SNX7: variants seen among roughly 807,000 people sequenced by gnomAD.
The protein encoded by SNX7 is sorting nexin-7.
A neutral mutation model predicts 48.4 loss-of-function variants in SNX7; 35 were observed. The observed-to-expected ratio is 0.72, with a 90% confidence interval of 0.55 to 0.96. The LOEUF is 0.96. Among genes scored for constraint, SNX7 ranks in the 40% least tolerant of loss-of-function variants. The probability of loss-of-function intolerance (pLI) is 0.00; values close to 1 mark genes in which losing one functional copy is unlikely to be tolerated. For missense variants in SNX7, 553 were observed against 548.9 expected (o/e 1.01, Z -0.07); for synonymous variants, 190 against 190.2 (o/e 1.00, Z 0.01).
At position 98,738,572 on chromosome 1, in the gene SNX7, G is replaced by A. The variant is rs561294426; in HGVS notation, c.1278+183G>A. On this transcript the variant is annotated intron_variant, in intron 8 of 8. Coordinates refer to ENST00000306121, the MANE Select transcript of SNX7 (RefSeq NM_015976.5). ...TTGTTTATCCTCAGTTTGTTGTTTT[G>A]GATTTGGATTCTTCAAAAGCATTTG... is the stretch of plus-strand genomic sequence containing the variant. Among the ~76,000 whole-genome samples, 5 of 152,040 alleles carry A rather than the reference G, an allele frequency of 3.3e-5. No homozygotes were observed. In the East Asian group the frequency reaches 9.6e-4, roughly 29 times the overall value.
At chr1:98,710,706 C>T (rs961699506) in intron 7 of SNX7, among the ~76,000 whole-genome samples, 19 of 152,162 alleles carry the variant, frequency 1.2e-4, no homozygotes, top group African/African-American at 4.3e-4. Context: ...TTCTGTCTTA[C>T]GTATCTCTTT....
rs1652617849 is a variant in SNX7 at position 98,716,853 on chromosome 1, A to G, written c.1125+14950A>G. ...TTTCTTCTTTTATCTTCTTTAAAAA[A>G]TATACTTAGATTTCATAATAAATTA... On this transcript the variant is annotated intron_variant, in intron 7 of 8. Transcript: ENST00000306121. Among the ~76,000 whole-genome samples, 3 of 152,108 alleles carry G rather than the reference A, an allele frequency of 2.0e-5. No homozygotes were observed. In the South Asian group the frequency reaches 6.2e-4, roughly 31 times the overall value.
chr1:98,691,432 T>C lies in SNX7; in HGVS notation c.475-103T>C, dbSNP rs1651117777. The C allele has an allele frequency of 3.1e-6, 3 of 961,778 alleles. No individual in the cohort carries two copies. In the East Asian group the frequency reaches 8.9e-5, roughly 29 times the overall value. The allele number at this position is 961,778 out of a possible 1,614,324, so 59.6% of individuals were successfully genotyped here. On this transcript the variant is annotated intron_variant, in intron 3 of 8. Transcript: ENST00000306121. Reference sequence around the variant, plus strand: ...TTTTAAAAATTATTTTTATAAGAAATGATCAGATGTTCAACTAGTCTTCCA... The same window carrying C: ...TTTTAAAAATTATTTTTATAAGAAACGATCAGATGTTCAACTAGTCTTCCA...
chr1:98,708,436 T>C (rs1652127242), intron 7 of SNX7, among the ~76,000 whole-genome samples: 1 of 152,222 alleles, frequency 6.6e-6, no homozygotes, highest in Admixed American at 6.5e-5. Flanking sequence ...CAGAATTTAC[T>C]TATCAGCTAC....
chr1:98,732,998 T>G (rs1653593869), intron 7 of SNX7, among the ~76,000 whole-genome samples: 1 of 152,096 alleles, frequency 6.6e-6, no homozygotes, highest in Admixed American at 6.6e-5. Flanking sequence ...TGTATCCATA[T>G]TACCTCCCAG....
At chr1:98,722,039 T>G (rs1652903437) in intron 7 of SNX7, among the ~76,000 whole-genome samples, 1 of 152,112 alleles carries the variant, frequency 6.6e-6, no homozygotes, top group South Asian at 2.1e-4. Flanking sequence ...TTTAAATAAT[T>G]GGTTTTCTGT....
chr1:98,759,716 T>C (rs1005459033), intron 8 of SNX7, among the ~76,000 whole-genome samples: 1 of 152,056 alleles, frequency 6.6e-6, no homozygotes, highest in Admixed American at 6.6e-5. Flanking sequence ...AACTGAAGTA[T>C]GTTTGTATCA....
intron 7 of SNX7, among the ~76,000 whole-genome samples, chr1:98,706,823 CAG>C (rs1414069520): frequency 6.6e-6 from 1 of 152,006 alleles, no homozygotes; most frequent in Non-Finnish European, 1.5e-5. Flanking sequence ...AGGTTTTAGA[CAG>C]AGCAACTGGA....
intron 7 of SNX7, among the ~76,000 whole-genome samples, chr1:98,706,425 C>A (rs1480765830): frequency 6.6e-6 from 1 of 152,012 alleles, no homozygotes; most frequent in African/African-American, 2.4e-5. Context: ...ACCAGTGTTG[C>A]AGAAATGAAG....
rs189729451 is a variant in SNX7 at position 98,697,708 on chromosome 1, G to A, written c.839-998G>A. Among the ~76,000 whole-genome samples, 329 of 152,248 alleles carry A rather than the reference G, an allele frequency of 2.2e-3. 3 individuals are homozygous for A. Among genetic ancestry groups the A allele is most frequent in the Middle Eastern group, 0.02 (6 of 294 alleles). ...ACTCAGTCCCTGTTTTAAGGAGTAT[G>A]TGGCCAAGAGCATTTGAGTTATAAG... On this transcript the variant is annotated intron_variant, in intron 5 of 8. Transcript: ENST00000306121.
chr1:98,736,655 T>A (rs1653795050), intron 7 of SNX7, among the ~76,000 whole-genome samples: 1 of 152,186 alleles, frequency 6.6e-6, no homozygotes, highest in Non-Finnish European at 1.5e-5. Flanking sequence ...TCAGCCTTTC[T>A]ACTGAAATAC....
intron 1 of SNX7, among the ~76,000 whole-genome samples, chr1:98,682,632 A>T (rs1650564109): frequency 6.6e-6 from 1 of 152,314 alleles, no homozygotes; most frequent in South Asian, 2.1e-4. Context: ...ACCATTTAAG[A>T]ACTCTGATGC....
chr1:98,675,141 T>C (rs1650091558), intron 1 of SNX7, among the ~76,000 whole-genome samples: 1 of 152,220 alleles, frequency 6.6e-6, no homozygotes, highest in South Asian at 2.1e-4. Context: ...ATTTTATTGA[T>C]CCATTTCTCC....
At chr1:98,689,125 G>A (rs950309078) in intron 2 of SNX7, among the ~76,000 whole-genome samples, 10 of 152,000 alleles carry the variant, frequency 6.6e-5, no homozygotes, top group African/African-American at 1.5e-4. Context: ...GGCTTGTCTC[G>A]AACTCCTGAC....
Position 98,729,939 on chromosome 1 carries a change from T to C in SNX7, c.1126-8298T>C, listed in dbSNP as rs529970769. 2.0e-5 allele frequency among the ~76,000 whole-genome samples: 3 copies of C among 152,206 alleles called. No homozygotes were observed. In the East Asian group the frequency reaches 5.8e-4, roughly 30 times the overall value. ...CCAACATCACCCTGATACCAAAACC[T>C]GGCAGAAATACAATAAAAAAAGAAA... On this transcript the variant is annotated intron_variant, in intron 7 of 8. Transcript: ENST00000306121.
chr1:98,693,172 AGATG>A (rs10589894), intron 4 of SNX7, among the ~76,000 whole-genome samples: 142,377 of 151,232 alleles, frequency 0.94, 67,543 homozygotes, highest in East Asian at 1. Context: ...GGATGAATGG[AGATG>A]GATGGATGGA....
rs1463738205 is a variant in SNX7, at chr1:98,691,060, TCTTA to T, written c.364-11_364-8del. 3 of 1,559,884 alleles carry T rather than the reference TCTTA, an allele frequency of 1.9e-6. No individual in the cohort carries two copies. The highest frequency in any genetic ancestry group is 2.3e-5 in the East Asian group (1 of 44,034). On this transcript the variant is annotated splice_polypyrimidine_tract_variant and intron_variant, in intron 2 of 8. Coordinates refer to ENST00000306121, the MANE Select transcript of SNX7 (RefSeq NM_015976.5). ...TTATATTGCATGTGCTGTTATTTTC[TCTTA>T]CTTTCTTCAGACATCTCGTGGGGAA...
In SNX7 at chr1:98,700,330, T is replaced by C. The variant is rs138284402; in HGVS notation, c.1038+1425T>C. 1.8e-3 allele frequency among the ~76,000 whole-genome samples: 279 copies of C among 152,284 alleles called. 3 individuals carry two copies. The highest frequency in any genetic ancestry group is 6.3e-3 in the African/African-American group (261 of 41,580). On this transcript the variant is annotated intron_variant, in intron 6 of 8. Coordinates refer to ENST00000306121, the MANE Select transcript of SNX7 (RefSeq NM_015976.5). ...CTGAAGCAACCTTTTACTCAAAATG[T>C]ATTTGTGCATATGAAAACCAGTGCT... is the stretch of plus-strand genomic sequence containing the variant.
chr1:98,729,797 C>T (rs771498561), intron 7 of SNX7, among the ~76,000 whole-genome samples: 6 of 152,074 alleles, frequency 3.9e-5, no homozygotes, highest in Admixed American at 6.6e-5. Flanking sequence ...AGCCCAGGAT[C>T]AGACAGATTT....
Sources: gnomAD v4.1 joint callset for allele counts (sites outside exome capture counted in the v4.1 genomes callset) on GRCh38, gnomAD v4.1.1 for gene constraint, MANE v1.5 for transcripts, NCBI Gene and HGNC (gene_info 2026-07-23, HGNC 2026-07-21) for gene names.